TBC1D16: variants seen among roughly 807,000 people sequenced by gnomAD.
The protein encoded by TBC1D16 is TBC1 domain family member 16.
Under a neutral mutation model 74.7 loss-of-function variants are expected in TBC1D16, and 58 were observed. The observed-to-expected ratio is 0.78, with a 90% CI of 0.63 to 0.97. The LOEUF (loss-of-function observed/expected upper bound fraction) is 0.97. Among genes scored for constraint, TBC1D16 ranks in the 50% least tolerant of loss-of-function variants. The pLI, the probability that TBC1D16 is intolerant of heterozygous loss-of-function variation, is 0.00. For missense variants in TBC1D16, 1,014 were observed against 1,079.5 expected, an observed-to-expected ratio of 0.94 and a Z score of 0.85; for synonymous variants, 493 against 474.7, an observed-to-expected ratio of 1.04 and a Z score of -0.50.
intron 3 of TBC1D16, among the ~76,000 whole-genome samples, chr17:80,002,597 T>C (rs2144606454): frequency 6.6e-6 from 1 of 152,332 alleles, no homozygotes; most frequent in Admixed American, 6.5e-5. Flanking sequence ...CAGAGAGTTT[T>C]TCGGGCCTGT....
In TBC1D16 at chr17:79,950,916, G is replaced by A. The variant is rs1242773295; in HGVS notation, c.1090-338C>T. The A allele has an allele frequency of 7.2e-7, 1 of 1,383,180 alleles. No homozygotes were observed. Among genetic ancestry groups the A allele is most frequent in the Non-Finnish European group, 9.7e-7 (1 of 1,035,586 alleles). 85.7% of individuals were successfully genotyped at this position (1,383,180 alleles called of 1,614,324 possible). A position where few individuals can be genotyped will look rare whatever the true frequency, so the allele number is the denominator to read the frequency against. ...GGCCTGCAATGAATTACATGTGATT[G>A]GCCACATACAAAGGGATCGCTGTTC... On this transcript the variant is annotated intron_variant, in intron 5 of 11. Transcript: ENST00000310924. The surrounding 1 kb of genome is among the most constrained non-coding windows in gnomAD (Gnocchi z 4.6).
At position 79,946,055 on chromosome 17, in the gene TBC1D16, C is replaced by T. The variant is rs544803072; in HGVS notation, c.1729-968G>A. On this transcript the variant is annotated intron_variant, in intron 9 of 11. Coordinates refer to ENST00000310924, the MANE Select transcript of TBC1D16 (RefSeq NM_019020.4). ...CCCGCCCCCTGTGCAGGTGCCTGCA[C>T]CTCCCTGCTTGGGCTCCTTTGCCTT... 3.3e-4 allele frequency among the ~76,000 whole-genome samples: 51 copies of T among 152,358 alleles called. 1 individual carries two copies. In the South Asian group the frequency reaches 6.0e-3, roughly 18 times the overall value.
chr17:80,011,829 A>G (rs1156600133), intron 2 of TBC1D16, among the ~76,000 whole-genome samples: 2 of 152,062 alleles, frequency 1.3e-5, no homozygotes, highest in East Asian at 3.9e-4. Context: ...CCGTCTCAAA[A>G]AAAAAAAAAA....
At chr17:80,026,297 C>T (rs1165415392) in intron 1 of TBC1D16, among the ~76,000 whole-genome samples, 4 of 149,590 alleles carry the variant, frequency 2.7e-5, no homozygotes, top group Non-Finnish European at 4.4e-5. Context: ...TGGTGGCGCA[C>T]GCCTGTAATC....
At position 79,944,577 on chromosome 17, in the gene TBC1D16, G is replaced by A. The variant is rs542974062; in HGVS notation, c.1908+331C>T. 1.4e-3 allele frequency among the ~76,000 whole-genome samples: 216 copies of A among 152,284 alleles called. No individual in the cohort carries two copies. The highest frequency in any genetic ancestry group is 4.9e-3 in the African/African-American group (205 of 41,548). The stretch of plus-strand genomic sequence containing the variant: ...GGTGGAGCGGTGCTGGCTCACGCTC[G>A]TGGGCACCAGCGTCCTGGGCTGCTG... On this transcript the variant is annotated intron_variant, in intron 10 of 11. Coordinates refer to ENST00000310924, the MANE Select transcript of TBC1D16 (RefSeq NM_019020.4). This position sits in a 1 kb window ranked among gnomAD's most constrained non-coding sequence, Gnocchi z 7.7.
Position 79,996,389 on chromosome 17 carries a change from C to T in TBC1D16, c.779+13771G>A, listed in dbSNP as rs77569745. ...AATAAACACACAAAACGATATTCGA[C>T]ATCACGAGCCATTAGGGAAATGCTG... On this transcript the variant is annotated intron_variant, in intron 3 of 11. Coordinates refer to ENST00000310924, the MANE Select transcript of TBC1D16 (RefSeq NM_019020.4). Among the ~76,000 whole-genome samples, 960 of 152,268 alleles carry T rather than the reference C, an allele frequency of 6.3e-3. 5 individuals carry two copies. Among genetic ancestry groups the T allele is most frequent in the African/African-American group, 0.022 (927 of 41,542 alleles).
intron 10 of TBC1D16, among the ~76,000 whole-genome samples, chr17:79,942,969 C>T (rs932696154): frequency 2.0e-5 from 3 of 152,266 alleles, no homozygotes; most frequent in Non-Finnish European, 2.9e-5. Flanking sequence ...GTGTGCTCTC[C>T]GGCCTGGCCG....
chr17:80,010,685 G>C lies in TBC1D16; in HGVS notation c.254C>G (p.Ser85Cys), dbSNP rs148822497. ...CTCCTCGTCCTGCCTCTGGATGCGAGAGTTGGGGACCCATGCCAGGATGAG... is the reference window on the plus strand; with the variant it reads ...CTCCTCGTCCTGCCTCTGGATGCGACAGTTGGGGACCCATGCCAGGATGAG... ...ATLILAWVPN[S>C]RIQRQDEEAL... Residue 85 changes from serine to cysteine, a missense_variant, in exon 3 of 12, where the codon TCT becomes TGT. Coordinates refer to ENST00000310924, the MANE Select transcript of TBC1D16 (RefSeq NM_019020.4). This position sits in a 1 kb window ranked among gnomAD's most constrained non-coding sequence, Gnocchi z 8.8. The C allele has an allele frequency of 3.2e-5, 49 of 1,524,434 alleles. No individual in the cohort carries two copies. Among genetic ancestry groups the C allele is most frequent in the Non-Finnish European group, 4.1e-5 (47 of 1,139,036 alleles). The allele number at this position is 1,524,434 out of a possible 1,614,324, so 94.4% of individuals were successfully genotyped here.
rs753120536 is a variant in TBC1D16 at position 80,010,288 on chromosome 17, G to A, written c.651C>T (p.Ala217=). The change falls in exon 3 of 12, where the codon GCC becomes GCT. Residue 217 remains alanine, a synonymous_variant. Coordinates refer to ENST00000310924, the MANE Select transcript of TBC1D16 (RefSeq NM_019020.4). This position sits in a 1 kb window ranked among gnomAD's most constrained non-coding sequence, Gnocchi z 8.8. ...GEEDGSLELS[A]EGVSRDSSFD... ...AGGAGCTGTCTCTGCTCACGCCCTC[G>A]GCTGACAGTTCCAAAGAGCCATCCT... The A allele has an allele frequency of 1.3e-5, 21 of 1,612,888 alleles. No individual in the cohort carries two copies. The highest frequency in any genetic ancestry group is 8.9e-5 in the East Asian group (4 of 44,852).
chr17:80,028,803 G>A (rs1156325110), intron 1 of TBC1D16, among the ~76,000 whole-genome samples: 1 of 151,732 alleles, frequency 6.6e-6, no homozygotes, highest in Non-Finnish European at 1.5e-5. Context: ...TAGTATAGAC[G>A]GGGTTTCACC....
intron 3 of TBC1D16, among the ~76,000 whole-genome samples, chr17:79,959,946 C>T (rs754091279): frequency 6.6e-6 from 1 of 150,636 alleles, no homozygotes; most frequent in Non-Finnish European, 1.5e-5. Flanking sequence ...AAAATATTCA[C>T]AAAACATATA....
chr17:80,010,850 T>C lies in TBC1D16; in HGVS notation c.182-93A>G, dbSNP rs2035864884. The C allele has an allele frequency of 3.2e-6, 3 of 923,720 alleles. No homozygotes were observed. Among genetic ancestry groups the C allele is most frequent in the Non-Finnish European group, 4.6e-6 (3 of 651,168 alleles). The allele number at this position is 923,720 out of a possible 1,614,324, so 57.2% of individuals were successfully genotyped here. A position where few individuals can be genotyped will look rare whatever the true frequency, so the allele number is the denominator to read the frequency against. On this transcript the variant is annotated intron_variant, in intron 2 of 11. Coordinates refer to ENST00000310924, the MANE Select transcript of TBC1D16 (RefSeq NM_019020.4). This position sits in a 1 kb window ranked among gnomAD's most constrained non-coding sequence, Gnocchi z 8.8. ...TTGGCGAGCTGCTCGGAGAGGCCACTGCCCTTTAGTAAAGTGCCAGTCCGG... is the reference window on the plus strand; with the variant it reads ...TTGGCGAGCTGCTCGGAGAGGCCACCGCCCTTTAGTAAAGTGCCAGTCCGG...
Position 79,936,913 on chromosome 17 carries a change from T to C in TBC1D16, c.*3946A>G, listed in dbSNP as rs867094552. 2.0e-3 allele frequency: 229 copies of C among 114,418 alleles called. No individual in the cohort carries two copies. The highest frequency in any genetic ancestry group is 8.7e-3 in the South Asian group (28 of 3,216). 7.1% of individuals were successfully genotyped at this position (114,418 alleles called of 1,614,324 possible). On this transcript the variant is annotated 3_prime_UTR_variant, in exon 12 of 12. Transcript: ENST00000310924. ...ATGCGTGCGTGTGTGCATGTGCGTG[T>C]GTGTGTGTGTGTGTGTGTGTGTGTG...
At chr17:79,952,891 T>TG (rs2033151554) in intron 3 of TBC1D16, 73 bp from the exon 4 acceptor site, 1 of 1,522,580 alleles carries the variant, frequency 6.6e-7, no homozygotes, top group Non-Finnish European at 8.8e-7. Flanking sequence ...ACGGGGGTCA[T>TG]GGGGGAGTCA....
In TBC1D16 at chr17:79,933,208, A is replaced by T. The variant is rs2031365057; in HGVS notation, c.*7651T>A. 1 of 151,574 alleles carries T rather than the reference A, an allele frequency of 6.6e-6. No individual in the cohort carries two copies. Among genetic ancestry groups the T allele is most frequent in the Admixed American group, 6.6e-5 (1 of 15,206 alleles). 9.4% of individuals were successfully genotyped at this position (151,574 alleles called of 1,614,324 possible). A position where few individuals can be genotyped will look rare whatever the true frequency, so the allele number is the denominator to read the frequency against. ...GGCATGGAAGTGGCCACAGGTCTGG[A>T]CTTCTCTGGGTGGATGTGAGGGAGG... On this transcript the variant is annotated 3_prime_UTR_variant, in exon 12 of 12. Transcript: ENST00000310924.
At chr17:80,020,185 T>G (rs1452716800) in intron 1 of TBC1D16, among the ~76,000 whole-genome samples, 1 of 149,876 alleles carries the variant, frequency 6.7e-6, no homozygotes, top group Non-Finnish European at 1.5e-5. Flanking sequence ...TTAGACTTCC[T>G]GCCTCCAGGG....
chr17:79,960,812 A>AAAAAAAAAAAAAAG (rs2033580165), intron 3 of TBC1D16, among the ~76,000 whole-genome samples: 1 of 134,304 alleles, frequency 7.4e-6, no homozygotes, highest in East Asian at 2.2e-4. Flanking sequence ...AAAAAAAACG[A>AAAAAAAAAAAAAAG]AGGAATGAAA....
At chr17:79,999,683 C>T (rs1232295267) in intron 3 of TBC1D16, among the ~76,000 whole-genome samples, 1 of 151,642 alleles carries the variant, frequency 6.6e-6, no homozygotes, top group Non-Finnish European at 1.5e-5. Flanking sequence ...GCTGGAATTA[C>T]AGGCATCCAC....
chr17:80,013,347 C>A lies in TBC1D16; in HGVS notation c.181+20G>T. 7.6e-6 allele frequency: 12 copies of A among 1,584,960 alleles called. No homozygotes were observed. The highest frequency in any genetic ancestry group is 1.0e-5 in the Non-Finnish European group (12 of 1,166,032). ...TAACCTGGGCTGTGCGACCCTGGAGCCTCGCCTGCCCTGGCTCACCTGGGT... is the reference window on the plus strand; with the variant it reads ...TAACCTGGGCTGTGCGACCCTGGAGACTCGCCTGCCCTGGCTCACCTGGGT... On this transcript the variant is annotated intron_variant, in intron 2 of 11. Transcript: ENST00000310924.
Sources: allele counts gnomAD v4.1 joint callset (sites outside exome capture counted in the v4.1 genomes callset), GRCh38; gene constraint gnomAD v4.1.1; non-coding constraint Gnocchi (gnomAD v3.1); transcripts MANE v1.5; gene names NCBI Gene and HGNC (gene_info 2026-07-23, HGNC 2026-07-21).